Variants in OGG1 observed in about 807,000 individuals in gnomAD.
The protein encoded by OGG1 is 8-oxoguanine DNA glycosylase.
In OGG1, 35 loss-of-function variants were observed where a neutral mutation model predicts 42.3. The observed-to-expected ratio is 0.83, with a 90% CI of 0.63 to 1.10. The LOEUF is 1.10. Ranked by LOEUF, OGG1 falls within the 50% of genes least tolerant of loss-of-function variation. The pLI, the probability that OGG1 is intolerant of heterozygous loss-of-function variation, is 0.00. For missense variants in OGG1, 484 were observed against 446.7 expected, an observed-to-expected ratio of 1.08 and a Z score of -0.75; for synonymous variants, 189 against 179.0, an observed-to-expected ratio of 1.06 and a Z score of -0.44.
chr3:9,759,213 GA>G, downstream of OGG1: 1 of 1,614,078 alleles, frequency 6.2e-7, no homozygotes, highest in Non-Finnish European at 8.5e-7. Context: ...CCACTTTTAT[GA>G]CCTTTCTCGG....
rs752002560 is a variant in OGG1, at chr3:9,780,526, C to T, written c.295-987C>T. 1.7e-5 allele frequency: 27 copies of T among 1,604,698 alleles called. No individual in the cohort carries two copies. Among genetic ancestry groups the T allele is most frequent in the Non-Finnish European group, 1.7e-5 (20 of 1,179,818 alleles). On this transcript the variant is annotated intron_variant, in intron 2 of 3. Transcript: ENST00000426518. ...GCGCACCCGCTGCCTCAGCTCCTGC[C>T]GGCTCACCTCCTCCTTTGCCAGCCT... is the stretch of plus-strand genomic sequence containing the variant.
downstream of OGG1, chr3:9,761,658 T>TG (rs753550953): frequency 6.2e-7 from 1 of 1,613,938 alleles, no homozygotes; most frequent in Non-Finnish European, 8.5e-7. Context: ...CCACAGGCGG[T>TG]GGAGAGCACA....
intron 3 of OGG1, 98 bp from the exon 4 acceptor site, chr3:9,754,606 G>A (rs955525119): frequency 7.3e-6 from 10 of 1,364,266 alleles, no homozygotes; most frequent in Middle Eastern, 1.8e-4. Flanking sequence ...GGGAACTTAG[G>A]AAAAGCACTC....
chr3:9,787,554 C>A, intron 3 of OGG1: 1 of 975,536 alleles, frequency 1.0e-6, no homozygotes, highest in Non-Finnish European at 1.5e-6. Context: ...GACACACACA[C>A]AGAAGCCAAT....
intron 3 of OGG1, 92 bp from the exon 4 acceptor site, chr3:9,754,612 C>T: frequency 7.2e-7 from 1 of 1,395,352 alleles, no homozygotes. Flanking sequence ...TTAGGAAAAG[C>T]ACTCTTGTGA....
intron 2 of OGG1, among the ~76,000 whole-genome samples, chr3:9,778,841 T>A (rs2125610966): frequency 6.6e-6 from 1 of 152,260 alleles, no homozygotes; most frequent in Middle Eastern, 3.4e-3. Context: ...GAACCATGTG[T>A]GATGGGGAAG....
exon 8 of OGG1, chr3:9,766,480 C>CAA: frequency 2.9e-6 from 1 of 349,592 alleles, no homozygotes; most frequent in Non-Finnish European, 5.2e-6. Flanking sequence ...GATCCTGGGT[C>CAA]AAAAAAAAGA....
chr3:9,756,677 T>G (rs2077577757), intron 5 of OGG1, 56 bp downstream of exon 5: 3 of 1,612,032 alleles, frequency 1.9e-6, no homozygotes, highest in African/African-American at 2.7e-5. Context: ...GAAACTTCTC[T>G]CTCTCTTAGT....
rs768640045 is a variant in OGG1 at position 9,750,267 on chromosome 3, G to A, written c.-20G>A. On this transcript the variant is annotated 5_prime_UTR_variant, in exon 1 of 7. Transcript: ENST00000344629. The stretch of plus-strand genomic sequence containing the variant: ...GTTCTGGGTAGGCGGGGCTACTACG[G>A]GGCGGTGCCTGCTGTGGAAATGCCT... 6.2e-7 allele frequency: 1 copy of A among 1,604,170 alleles called. No homozygotes were observed. The highest frequency in any genetic ancestry group is 8.5e-7 in the Non-Finnish European group (1 of 1,174,768).
exon 8 of OGG1, chr3:9,766,082 C>A (rs201354453): frequency 4.9e-5 from 75 of 1,534,926 alleles, no homozygotes; most frequent in Non-Finnish European, 6.4e-5. Flanking sequence ...AGTAGTCTCT[C>A]CCCTGGCCAC....
At chr3:9,789,662 C>T, downstream of OGG1, 1 of 1,609,824 alleles carries the variant, frequency 6.2e-7, no homozygotes, top group Non-Finnish European at 8.5e-7. Flanking sequence ...CCCACCAGTG[C>T]CTCCACCACC....
At chr3:9,758,058 T>G (rs1201797204), downstream of OGG1, 4 of 620,780 alleles carry the variant, frequency 6.4e-6, no homozygotes, top group Non-Finnish European at 1.0e-5. Flanking sequence ...TATGTGTATC[T>G]ATATATATAA....
In OGG1 at chr3:9,750,101, G is replaced by C. The variant is rs911685809; in HGVS notation, c.-186G>C. The C allele has an allele frequency of 4.0e-6, 3 of 747,736 alleles. No homozygotes were observed. The East Asian group carries it at 8.1e-5, about 20-fold the overall frequency. The allele number at this position is 747,736 out of a possible 1,614,324, so 46.3% of individuals were successfully genotyped here. ...GAATTGGGGCACGAAGCGGGGCTTT[G>C]ATGACCCGCAAAGGGCGAGGCATGC... On this transcript the variant is annotated 5_prime_UTR_variant, in exon 1 of 7. Transcript: ENST00000344629.
downstream of OGG1, chr3:9,760,410 G>GT (rs2077798294): frequency 2.3e-6 from 1 of 443,000 alleles, no homozygotes; most frequent in African/African-American, 2.0e-5. Context: ...ATAGGGGAGA[G>GT]GTATTTTCAA....
rs191346373 is a variant in OGG1, at chr3:9,787,663, G to A, written c.383-65G>A. On this transcript the variant is annotated intron_variant, in intron 3 of 3. Transcript: ENST00000426518. Reference sequence around the variant, plus strand: ...AGAGAATTAGGAGCCTTCAGGTCACGGGTGACAGGGAATTACCTTTTGTAT... The same window carrying A: ...AGAGAATTAGGAGCCTTCAGGTCACAGGTGACAGGGAATTACCTTTTGTAT... 9.8e-4 allele frequency: 1,348 copies of A among 1,376,110 alleles called. 1 individual carries two copies. Among genetic ancestry groups the A allele is most frequent in the Non-Finnish European group, 1.2e-3 (1,271 of 1,045,534 alleles). The allele number at this position is 1,376,110 out of a possible 1,614,324, so 85.2% of individuals were successfully genotyped here. A position where few individuals can be genotyped will look rare whatever the true frequency, so the allele number is the denominator to read the frequency against.
downstream of OGG1, among the ~76,000 whole-genome samples, chr3:9,768,230 G>A (rs1472212609): frequency 1.3e-5 from 2 of 152,038 alleles, no homozygotes; most frequent in Non-Finnish European, 2.9e-5. Context: ...CCGACTCCCC[G>A]GCCTCTCCGA....
intron 2 of OGG1, 80 bp downstream of exon 2, chr3:9,751,272 A>G (rs2077291849): frequency 1.4e-6 from 2 of 1,432,340 alleles, no homozygotes; most frequent in Non-Finnish European, 1.9e-6. Flanking sequence ...CACCTGTAAA[A>G]TGGGGATTAT....
chr3:9,764,860 T>A (rs1284501013), intron 7 of OGG1, among the ~76,000 whole-genome samples: 1 of 151,938 alleles, frequency 6.6e-6, no homozygotes, highest in Non-Finnish European at 1.5e-5. Context: ...TTGATCTTGA[T>A]GATGAGGAAG....
intron 2 of OGG1, among the ~76,000 whole-genome samples, chr3:9,781,317 A>G (rs2078457553): frequency 6.6e-6 from 1 of 151,982 alleles, no homozygotes; most frequent in Admixed American, 6.6e-5. Context: ...ACACAAACAC[A>G]CACACACAGG....
Sources: allele counts gnomAD v4.1 joint callset (sites outside exome capture counted in the v4.1 genomes callset), GRCh38; gene constraint gnomAD v4.1.1; transcripts MANE v1.5; gene names NCBI Gene and HGNC (gene_info 2026-07-23, HGNC 2026-07-21).